SEMA5A: variants seen among roughly 807,000 people sequenced by gnomAD.
The protein encoded by SEMA5A is semaphorin-5A.
SEMA5A carries 55 observed loss-of-function variants against 135.5 expected under a neutral mutation model. That is an observed-to-expected ratio of 0.41 (90% CI 0.33 to 0.51). The LOEUF (loss-of-function observed/expected upper bound fraction) is 0.51. Ranked by LOEUF, SEMA5A falls within the 20% of genes least tolerant of loss-of-function variation. SEMA5A has a pLI of 0.37. For synonymous variants in SEMA5A, 580 were observed against 546.5 expected (o/e 1.06, Z -0.85); for missense variants, 1,290 against 1,419.9 (o/e 0.91, Z 1.47).
At chr5:9,084,390 C>G (rs897952800) in intron 16 of SEMA5A, among the ~76,000 whole-genome samples, 3 of 152,224 alleles carry the variant, frequency 2.0e-5, no homozygotes, top group African/African-American at 7.2e-5. Flanking sequence ...TGGCTGTGTC[C>G]CCACCCAAAT....
rs143421625 is a variant in SEMA5A, at chr5:9,288,120, T to C, written c.270+30252A>G. 7.2e-5 allele frequency among the ~76,000 whole-genome samples: 11 copies of C among 152,340 alleles called. 1 individual carries two copies. In the East Asian group the frequency reaches 9.6e-4, roughly 13 times the overall value. ...ACAAAACTGGGAAAATATTAAAATA[T>C]GTTTTAGGATACTTTATGAATCAAG... On this transcript the variant is annotated intron_variant, in intron 5 of 22. Coordinates refer to ENST00000382496, the MANE Select transcript of SEMA5A (RefSeq NM_003966.3).
At chr5:9,062,264 C>T (rs576609816) in intron 18 of SEMA5A, among the ~76,000 whole-genome samples, 2 of 152,260 alleles carry the variant, frequency 1.3e-5, no homozygotes, top group Admixed American at 1.3e-4. Context: ...CACTGTGGCC[C>T]GGCCTATCAG....
At chr5:9,350,308 C>T (rs1046608595) in intron 3 of SEMA5A, among the ~76,000 whole-genome samples, 4 of 152,126 alleles carry the variant, frequency 2.6e-5, no homozygotes, top group South Asian at 2.1e-4. Context: ...ACTTTTTTCT[C>T]GGGAACCGTA....
intron 2 of SEMA5A, among the ~76,000 whole-genome samples, chr5:9,433,595 C>T (rs1212889800): frequency 1.4e-5 from 2 of 140,436 alleles, no homozygotes; most frequent in Non-Finnish European, 3.1e-5. Context: ...TCCCACCCTT[C>T]CCTCCCTCCT....
chr5:9,382,929 C>T (rs73740524), intron 2 of SEMA5A, among the ~76,000 whole-genome samples: 2,624 of 152,250 alleles, frequency 0.017, 69 homozygotes, highest in African/African-American at 0.059. Context: ...GGCAGAGAAA[C>T]AGGTAATGGC....
chr5:9,174,506 T>C (rs1744099812), intron 11 of SEMA5A, among the ~76,000 whole-genome samples: 1 of 152,226 alleles, frequency 6.6e-6, no homozygotes, highest in Non-Finnish European at 1.5e-5. Flanking sequence ...GTAACACCAT[T>C]GTTACTGCTA....
At chr5:9,509,196 T>A (rs535587392) in intron 1 of SEMA5A, among the ~76,000 whole-genome samples, 1 of 152,102 alleles carries the variant, frequency 6.6e-6, no homozygotes, top group East Asian at 1.9e-4. Context: ...AAGTTCACTT[T>A]TACATTTCTT....
intron 4 of SEMA5A, among the ~76,000 whole-genome samples, chr5:9,333,753 C>A (rs1162690871): frequency 6.6e-6 from 1 of 151,994 alleles, no homozygotes; most frequent in East Asian, 1.9e-4. Context: ...AGAGTAGGAA[C>A]AAATAGAAAT....
intron 11 of SEMA5A, among the ~76,000 whole-genome samples, chr5:9,185,261 C>T (rs1209442807): frequency 1.3e-5 from 2 of 152,084 alleles, no homozygotes; most frequent in Non-Finnish European, 2.9e-5. Flanking sequence ...TATTTCATTC[C>T]ACAATACAAT....
intron 1 of SEMA5A, among the ~76,000 whole-genome samples, chr5:9,442,046 C>G (rs1480899674): frequency 6.6e-6 from 1 of 152,186 alleles, no homozygotes; most frequent in Non-Finnish European, 1.5e-5. Flanking sequence ...CCAGAGAACT[C>G]CAGGTATGAG....
chr5:9,492,022 C>CAGTTAATTTGGAA (rs1204816590), intron 1 of SEMA5A, among the ~76,000 whole-genome samples: 1 of 152,202 alleles, frequency 6.6e-6, no homozygotes, highest in African/African-American at 2.4e-5. Context: ...TAAAGTCTAT[C>CAGTTAATTTGGAA]AGTTCATTTG....
At chr5:9,492,231 T>C (rs1735053972) in intron 1 of SEMA5A, among the ~76,000 whole-genome samples, 1 of 152,216 alleles carries the variant, frequency 6.6e-6, no homozygotes, top group Admixed American at 6.5e-5. Flanking sequence ...TAAAATACTA[T>C]AATCACTTGT....
At position 9,054,131 on chromosome 5, in the gene SEMA5A, C is replaced by G; in HGVS notation, c.2645G>C (p.Gly882Ala). The G allele has an allele frequency of 6.2e-7, 1 of 1,613,662 alleles. No individual in the cohort carries two copies. The highest frequency in any genetic ancestry group is 1.1e-5 in the South Asian group (1 of 91,016). Residue 882 changes from glycine to alanine, a missense_variant, in exon 19 of 23, where the codon GGG becomes GCG. Around this residue, in one of 3 missense-constraint regions of SEMA5A, gnomAD observed 1,029 missense variants for 1,086.6 expected, o/e 0.95. Coordinates refer to ENST00000382496, the MANE Select transcript of SEMA5A (RefSeq NM_003966.3). ...APAYGGDICL[G>A]LHTEEALCNT... ...GCAGAGTGCCTCTTCTGTGTGCAGC[C>G]CCAGGCAGATGTCCCCTCCATAGGC... is the stretch of plus-strand genomic sequence containing the variant.
At position 9,037,479 on chromosome 5, in the gene SEMA5A, C is replaced by T. The variant is rs1735713548; in HGVS notation, c.*5418G>A. The T allele has an allele frequency of 6.6e-6, 1 of 152,128 alleles. No individual in the cohort carries two copies. Among genetic ancestry groups the T allele is most frequent in the African/African-American group, 2.4e-5 (1 of 41,428 alleles). The allele number at this position is 152,128 out of a possible 1,614,324, so 9.4% of individuals were successfully genotyped here. A position where few individuals can be genotyped will look rare whatever the true frequency, so the allele number is the denominator to read the frequency against. ...TTCCTCATGCTTCTGTAACATGTAT[C>T]AAATTTCTGATAATGCAACAGATGA... On this transcript the variant is annotated 3_prime_UTR_variant, in exon 23 of 23. Transcript: ENST00000382496.
chr5:9,306,316 T>C (rs1269215703), intron 5 of SEMA5A, among the ~76,000 whole-genome samples: 1 of 152,184 alleles, frequency 6.6e-6, no homozygotes, highest in Non-Finnish European at 1.5e-5. Flanking sequence ...TAATACTCTT[T>C]TATCTACCCT....
chr5:9,163,670 A>C (rs895732452), intron 11 of SEMA5A, among the ~76,000 whole-genome samples: 29 of 152,200 alleles, frequency 1.9e-4, no homozygotes, highest in Admixed American at 2.0e-4. Flanking sequence ...ATGTGACTGT[A>C]TTTAAAGACA....
At chr5:9,399,815 C>T (rs1046987494) in intron 2 of SEMA5A, among the ~76,000 whole-genome samples, 15 of 152,012 alleles carry the variant, frequency 9.9e-5, no homozygotes, top group South Asian at 8.3e-4. Flanking sequence ...TTGGTGATAG[C>T]GGTGACTATG....
intron 1 of SEMA5A, among the ~76,000 whole-genome samples, chr5:9,448,789 G>T (rs952988698): frequency 3.3e-5 from 5 of 152,162 alleles, no homozygotes; most frequent in Non-Finnish European, 7.3e-5. Flanking sequence ...GTGTGATGTT[G>T]TTGCCTCTCC....
rs776391969 is a variant in SEMA5A at position 9,275,601 on chromosome 5, C to A, written c.271-37711G>T. ...AAATCCTCAATAAAATACTGGCAAA[C>A]CAAATCCAGCAGCACATCAAAAAGC... On this transcript the variant is annotated intron_variant, in intron 5 of 22. Transcript: ENST00000382496. Among the ~76,000 whole-genome samples, 70 of 152,104 alleles carry A rather than the reference C, an allele frequency of 4.6e-4. 1 individual carries two copies. Among genetic ancestry groups the A allele is most frequent in the Admixed American group, 2.9e-3 (44 of 15,282 alleles).
Sources: allele counts gnomAD v4.1 joint callset (sites outside exome capture counted in the v4.1 genomes callset), GRCh38; gene constraint gnomAD v4.1.1; regional missense constraint gnomAD v4.1.1; transcripts MANE v1.5; gene names NCBI Gene and HGNC (gene_info 2026-07-23, HGNC 2026-07-21).